Variants in CSMD3 observed in about 807,000 individuals in gnomAD.
CSMD3 encodes CUB and sushi domain-containing protein 3.
A neutral mutation model predicts 435.2 loss-of-function variants in CSMD3; 177 were observed. That is an observed-to-expected ratio of 0.41 (90% CI 0.36 to 0.46). The LOEUF is 0.46. Among genes scored for constraint, CSMD3 ranks in the 20% least tolerant of loss-of-function variants. The pLI, the probability that CSMD3 is intolerant of heterozygous loss-of-function variation, is 0.34. For missense variants in CSMD3, 4,265 were observed against 4,504.6 expected (o/e 0.95, Z 1.52); for synonymous variants, 1,656 against 1,520.5 (o/e 1.09, Z -2.07).
At chr8:113,276,135 T>C (rs928303721) in intron 3 of CSMD3, among the ~76,000 whole-genome samples, 4 of 152,056 alleles carry the variant, frequency 2.6e-5, no homozygotes, top group East Asian at 1.9e-4. Flanking sequence ...AAGCATGAAA[T>C]TGTAGGCCAA....
intron 1 of CSMD3, among the ~76,000 whole-genome samples, chr8:113,418,094 T>G (rs372233542): frequency 2.6e-5 from 4 of 152,110 alleles, no homozygotes; most frequent in Admixed American, 2.0e-4. Context: ...TCAACGGAGA[T>G]ATAGAATTGC....
At chr8:112,306,379 T>A (rs1003368402) in intron 50 of CSMD3, among the ~76,000 whole-genome samples, 187 bp from the exon 51 acceptor site, 1 of 152,182 alleles carries the variant, frequency 6.6e-6, no homozygotes, top group African/African-American at 2.4e-5. Flanking sequence ...AAACCCTTAT[T>A]TAGCAATGTT....
At position 113,275,094 on chromosome 8, in the gene CSMD3, T is replaced by C. The variant is rs531385924; in HGVS notation, c.514+3498A>G. ...TTAATCACCATCATGATACTATCAATATTGTAATTCATATGTATAGACTGT... is the reference window on the plus strand; with the variant it reads ...TTAATCACCATCATGATACTATCAACATTGTAATTCATATGTATAGACTGT... On this transcript the variant is annotated intron_variant, in intron 3 of 70. Coordinates refer to ENST00000297405, the MANE Select transcript of CSMD3 (RefSeq NM_198123.2). Among the ~76,000 whole-genome samples, 3 of 152,242 alleles carry C rather than the reference T, an allele frequency of 2.0e-5. No homozygotes were observed. In the South Asian group the frequency reaches 6.2e-4, roughly 32 times the overall value.
At chr8:113,011,514 G>C (rs538833689) in intron 6 of CSMD3, among the ~76,000 whole-genome samples, 34 of 151,698 alleles carry the variant, frequency 2.2e-4, no homozygotes, top group African/African-American at 8.2e-4. Context: ...TGAGACAGGA[G>C]GTATATAAAA....
intron 13 of CSMD3, among the ~76,000 whole-genome samples, chr8:112,798,958 G>A (rs2078894822): frequency 6.6e-6 from 1 of 151,674 alleles, no homozygotes. Flanking sequence ...ATATTTCCAA[G>A]TAACAAATGT....
chr8:112,524,399 A>G (rs189154358), intron 27 of CSMD3, among the ~76,000 whole-genome samples: 56 of 152,060 alleles, frequency 3.7e-4, no homozygotes, highest in African/African-American at 1.3e-3. Context: ...GACTGACACT[A>G]TACAGTATTT....
intron 60 of CSMD3, 57 bp from the exon 61 acceptor site, chr8:112,263,869 G>C (rs1005682121): frequency 6.9e-7 from 1 of 1,448,174 alleles, no homozygotes; most frequent in Non-Finnish European, 9.7e-7. Context: ...GAGCCTTAAA[G>C]ATATAAATAA....
intron 70 of CSMD3, among the ~76,000 whole-genome samples, chr8:112,227,748 C>G (rs932158368): frequency 6.6e-6 from 1 of 151,960 alleles, no homozygotes; most frequent in African/African-American, 2.4e-5. Context: ...CAGATTGACC[C>G]CAAATGAAAA....
chr8:112,591,671 A>G (rs1450265336), intron 22 of CSMD3, among the ~76,000 whole-genome samples: 2 of 152,096 alleles, frequency 1.3e-5, no homozygotes, highest in Non-Finnish European at 2.9e-5. Flanking sequence ...AACATATGGT[A>G]TGCAAGTCAA....
At chr8:113,208,075 T>C (rs1312842346) in intron 3 of CSMD3, among the ~76,000 whole-genome samples, 1 of 152,160 alleles carries the variant, frequency 6.6e-6, no homozygotes, top group East Asian at 1.9e-4. Context: ...ATAACTGCAT[T>C]TTAACAGTTT....
At chr8:112,264,830 A>C (rs1816780429) in intron 60 of CSMD3, among the ~76,000 whole-genome samples, 1 of 152,170 alleles carries the variant, frequency 6.6e-6, no homozygotes, top group African/African-American at 2.4e-5. Context: ...GTATTCTACA[A>C]GTAATCATAA....
At chr8:112,368,874 A>C (rs925310238) in intron 38 of CSMD3, among the ~76,000 whole-genome samples, 4 of 152,164 alleles carry the variant, frequency 2.6e-5, no homozygotes, top group African/African-American at 9.6e-5. Context: ...CAGTAATTTA[A>C]AAAAATAAAA....
chr8:112,537,173 A>T (rs1401701275), intron 27 of CSMD3, among the ~76,000 whole-genome samples: 3 of 151,954 alleles, frequency 2.0e-5, no homozygotes, highest in African/African-American at 7.2e-5. Flanking sequence ...GTATAATAAT[A>T]ATAAAATAAA....
intron 53 of CSMD3, 144 bp from the exon 54 acceptor site, chr8:112,296,150 G>T: frequency 1.5e-6 from 1 of 678,866 alleles, no homozygotes; most frequent in African/African-American, 1.8e-5. Flanking sequence ...TGACATAAAG[G>T]TAACTATGAA....
rs2093895583 is a variant in CSMD3 at position 113,314,635 on chromosome 8, C to T, written c.337G>A (p.Glu113Lys). ...AATGATAAGTAGTCGTATTCTTCTT[C>T]TAGAGCAAATGACTGAAAAACAATT... Reference protein sequence around the residue: ...IQIVFQSFALEEEYDYLSLYD... With the variant: ...IQIVFQSFALKEEYDYLSLYD... The change falls in exon 2 of 71, where the codon GAA becomes AAA. Residue 113 changes from glutamate to lysine, a missense_variant. By Grantham distance (56) the Glu-to-Lys change is moderately conservative. Coordinates refer to ENST00000297405, the MANE Select transcript of CSMD3 (RefSeq NM_198123.2). The T allele has an allele frequency of 6.2e-7, 1 of 1,611,258 alleles. No homozygotes were observed. Among genetic ancestry groups the T allele is most frequent in the African/African-American group, 1.3e-5 (1 of 74,844 alleles).
chr8:112,913,822 T>G (rs878968800), intron 10 of CSMD3, among the ~76,000 whole-genome samples: 1 of 151,938 alleles, frequency 6.6e-6, no homozygotes, highest in African/African-American at 2.4e-5. Context: ...TTTGAATCCC[T>G]GCTTATCCTT....
At chr8:112,668,183 T>C (rs1003404732) in intron 16 of CSMD3, among the ~76,000 whole-genome samples, 7 of 152,268 alleles carry the variant, frequency 4.6e-5, no homozygotes, top group Admixed American at 3.3e-4. Context: ...AGGCCATTTT[T>C]ATGAGGATTA....
At chr8:112,732,699 CAAAAAA>C (rs34891739) in intron 13 of CSMD3, among the ~76,000 whole-genome samples, 3 of 97,190 alleles carry the variant, frequency 3.1e-5, no homozygotes, top group African/African-American at 3.4e-5. Context: ...GACTCCATCT[CAAAAAA>C]AAAAAAAAAA....
intron 13 of CSMD3, among the ~76,000 whole-genome samples, chr8:112,748,888 T>C (rs1019960566): frequency 2.6e-5 from 4 of 152,326 alleles, no homozygotes; most frequent in African/African-American, 9.6e-5. Context: ...ATGGTAGTTC[T>C]GCTTTTAGCT....
Sources: allele counts gnomAD v4.1 joint callset (sites outside exome capture counted in the v4.1 genomes callset), GRCh38; gene constraint gnomAD v4.1.1; transcripts MANE v1.5; gene names NCBI Gene and HGNC (gene_info 2026-07-23, HGNC 2026-07-21).